Variants in HS6ST3 observed in about 807,000 individuals in gnomAD.
HS6ST3 encodes the protein heparan sulfate 6-O-sulfotransferase 3, also known as heparan-sulfate 6-O-sulfotransferase 3.
A neutral mutation model predicts 36.7 loss-of-function variants in HS6ST3; 12 were observed. The observed-to-expected ratio is 0.33, with a 90% confidence interval of 0.21 to 0.53. HS6ST3 has a LOEUF of 0.53. Ranked by LOEUF, HS6ST3 falls within the 20% of genes least tolerant of loss-of-function variation. HS6ST3 has a pLI of 0.95. For missense variants in HS6ST3, 584 were observed against 640.9 expected, an observed-to-expected ratio of 0.91 and a Z score of 0.96; for synonymous variants, 240 against 257.5, an observed-to-expected ratio of 0.93 and a Z score of 0.65.
At chr13:96,790,182 C>T (rs1422216418) in intron 1 of HS6ST3, among the ~76,000 whole-genome samples, 1 of 151,382 alleles carries the variant, frequency 6.6e-6, no homozygotes, top group Non-Finnish European at 1.5e-5. Flanking sequence ...CTGCGCTCTG[C>T]TATTGAGTCC....
chr13:96,445,245 C>T (rs1020216285), intron 1 of HS6ST3, among the ~76,000 whole-genome samples: 1 of 152,082 alleles, frequency 6.6e-6, no homozygotes, highest in Non-Finnish European at 1.5e-5. Context: ...AAGAAGAAAA[C>T]ATTGAAGCTA....
chr13:96,521,256 A>G (rs182269628), intron 1 of HS6ST3, among the ~76,000 whole-genome samples: 1 of 152,270 alleles, frequency 6.6e-6, no homozygotes, highest in Admixed American at 6.5e-5. Flanking sequence ...GTTTGCCAGT[A>G]TTTTATTGAG....
chr13:96,568,581 G>A (rs746107887), intron 1 of HS6ST3, among the ~76,000 whole-genome samples: 2 of 152,144 alleles, frequency 1.3e-5, no homozygotes, highest in Non-Finnish European at 2.9e-5. Context: ...TTACATTCAA[G>A]TGTCTATATA....
intron 1 of HS6ST3, among the ~76,000 whole-genome samples, chr13:96,738,017 G>A (rs1490741329): frequency 6.6e-6 from 1 of 152,086 alleles, no homozygotes; most frequent in East Asian, 1.9e-4. Flanking sequence ...TTTTAAGATC[G>A]TTACATTATT....
At chr13:96,205,602 G>A (rs2054366027) in intron 1 of HS6ST3, among the ~76,000 whole-genome samples, 1 of 152,092 alleles carries the variant, frequency 6.6e-6, no homozygotes, top group African/African-American at 2.4e-5. Flanking sequence ...ATTGAATTCA[G>A]CAGCACATCA....
At chr13:96,093,545 A>C (rs1004513771) in intron 1 of HS6ST3, among the ~76,000 whole-genome samples, 43 of 145,926 alleles carry the variant, frequency 2.9e-4, no homozygotes, top group South Asian at 2.3e-4. Flanking sequence ...GCAGGCAATT[A>C]GTCACCCTGT....
intron 1 of HS6ST3, among the ~76,000 whole-genome samples, chr13:96,802,022 G>A (rs1878089629): frequency 6.6e-6 from 1 of 152,086 alleles, no homozygotes; most frequent in Non-Finnish European, 1.5e-5. Context: ...GATGGTTGAA[G>A]TAATTACAGA....
chr13:96,521,837 G>C (rs2056094725), intron 1 of HS6ST3, among the ~76,000 whole-genome samples: 1 of 151,996 alleles, frequency 6.6e-6, no homozygotes, highest in Non-Finnish European at 1.5e-5. Flanking sequence ...AGGGTTTTCT[G>C]TGTCTCTGTC....
chr13:96,580,685 C>A (rs117487092), intron 1 of HS6ST3, among the ~76,000 whole-genome samples: 3 of 151,912 alleles, frequency 2.0e-5, no homozygotes, highest in Non-Finnish European at 4.4e-5. Flanking sequence ...AGGTGCATGA[C>A]GAAAATAAAT....
At chr13:96,110,951 C>G (rs936126205) in intron 1 of HS6ST3, among the ~76,000 whole-genome samples, 6 of 152,232 alleles carry the variant, frequency 3.9e-5, no homozygotes, top group South Asian at 2.1e-4. Context: ...CACCATTCTT[C>G]CCCCATTTGT....
intron 1 of HS6ST3, among the ~76,000 whole-genome samples, chr13:96,107,727 C>A (rs1380706555): frequency 6.6e-6 from 1 of 152,114 alleles, no homozygotes; most frequent in Non-Finnish European, 1.5e-5. Flanking sequence ...TTATTAGTTC[C>A]CCAAATTAAT....
At chr13:96,660,144 C>A (rs1438424715) in intron 1 of HS6ST3, among the ~76,000 whole-genome samples, 1 of 151,916 alleles carries the variant, frequency 6.6e-6, no homozygotes, top group South Asian at 2.1e-4. Flanking sequence ...ATGAAGAAAG[C>A]CTCTATTTTG....
chr13:96,378,854 C>T (rs1415520130), intron 1 of HS6ST3, among the ~76,000 whole-genome samples: 2 of 152,164 alleles, frequency 1.3e-5, no homozygotes, highest in Admixed American at 6.5e-5. Context: ...AGTATCCCTG[C>T]TGGGTTTCAC....
chr13:96,651,470 G>T (rs1207080973), intron 1 of HS6ST3, among the ~76,000 whole-genome samples: 1 of 151,942 alleles, frequency 6.6e-6, no homozygotes, highest in East Asian at 1.9e-4. Context: ...TCCCCAGCTT[G>T]GCTCCCTTAT....
intron 1 of HS6ST3, among the ~76,000 whole-genome samples, chr13:96,739,758 A>C (rs192137259): frequency 8.2e-4 from 125 of 152,302 alleles, no homozygotes; most frequent in African/African-American, 2.9e-3. Flanking sequence ...CATCCAGCGC[A>C]GCCCACCAGA....
chr13:96,182,029 C>T (rs535253651), intron 1 of HS6ST3, among the ~76,000 whole-genome samples: 40 of 152,244 alleles, frequency 2.6e-4, no homozygotes, highest in African/African-American at 9.1e-4. Flanking sequence ...AGAAATTTGT[C>T]AGATGAGAAA....
In HS6ST3 at chr13:96,576,943, C is replaced by CAAA. The variant is rs1157924077; in HGVS notation, c.708-255519_708-255517dup. ...TGGGAAACAGAGTGAGACTCTGTCT[C>CAAA]AAAAAAAAAAAAAAAAAAAAAAAAA... On this transcript the variant is annotated intron_variant, in intron 1 of 1. Transcript: ENST00000376705. Among the ~76,000 whole-genome samples, 85 of 26,838 alleles carry CAAA rather than the reference C, an allele frequency of 3.2e-3. 5 individuals are homozygous for CAAA. The highest frequency in any genetic ancestry group is 3.9e-3 in the Non-Finnish European group (51 of 12,992). 17.6% of individuals were successfully genotyped at this position (26,838 alleles called of 152,430 possible). A position where few individuals can be genotyped will look rare whatever the true frequency, so the allele number is the denominator to read the frequency against.
intron 1 of HS6ST3, among the ~76,000 whole-genome samples, chr13:96,745,855 C>T (rs1876548735): frequency 6.6e-6 from 1 of 152,054 alleles, no homozygotes. Flanking sequence ...CTTGAACCCG[C>T]TTCTATCTTC....
At chr13:96,401,775 A>G (rs2055452978) in intron 1 of HS6ST3, among the ~76,000 whole-genome samples, 2 of 152,042 alleles carry the variant, frequency 1.3e-5, no homozygotes, top group African/African-American at 4.8e-5. Context: ...GGGTTTCACC[A>G]TGCTGCCAGG....
Sources: allele counts gnomAD v4.1 joint callset (sites outside exome capture counted in the v4.1 genomes callset), GRCh38; gene constraint gnomAD v4.1.1; transcripts MANE v1.5; gene names NCBI Gene and HGNC (gene_info 2026-07-23, HGNC 2026-07-21).